The following NGLY1 variants were observed in gnomAD, a reference collection of about 807,000 sequenced individuals.
NGLY1 encodes peptide-N(4)-(N-acetyl-beta-glucosaminyl)asparagine amidase.
Under a neutral mutation model 84.6 loss-of-function variants are expected in NGLY1, and 68 were observed. The observed-to-expected ratio is 0.80, with a 90% CI of 0.66 to 0.98. The LOEUF is 0.98. NGLY1 is among the 50% of genes least tolerant of loss of function. The pLI, the probability that NGLY1 is intolerant of heterozygous loss-of-function variation, is 0.00. For synonymous variants in NGLY1, 280 were observed against 275.2 expected, an observed-to-expected ratio of 1.02 and a Z score of -0.17; for missense variants, 779 against 770.2, an observed-to-expected ratio of 1.01 and a Z score of -0.14.
At chr3:25,720,282 G>A in intron 10 of NGLY1, 91 bp from the exon 11 acceptor site, 1 of 1,014,312 alleles carries the variant, frequency 9.9e-7, no homozygotes, top group Non-Finnish European at 1.4e-6. Context: ...ACTGTCACAG[G>A]GTAGTATGTA....
intron 3 of NGLY1, among the ~76,000 whole-genome samples, chr3:25,758,570 C>A (rs560599897): frequency 3.3e-5 from 5 of 152,120 alleles, no homozygotes; most frequent in Admixed American, 3.3e-4. Flanking sequence ...AAAGTGAGAC[C>A]CTGTCTCAAA....
chr3:25,781,181 G>C (rs979064662), intron 1 of NGLY1, among the ~76,000 whole-genome samples: 15 of 152,062 alleles, frequency 9.9e-5, no homozygotes, highest in Admixed American at 9.8e-4. Context: ...AAACTCCTAA[G>C]CTCAAGCAAT....
At chr3:25,751,676 T>C (rs191945091) in intron 3 of NGLY1, among the ~76,000 whole-genome samples, 3 of 152,128 alleles carry the variant, frequency 2.0e-5, no homozygotes, top group Non-Finnish European at 4.4e-5. Flanking sequence ...AAGGCAAATA[T>C]GAAAGGACTA....
chr3:25,774,709 A>G (rs1575662335), intron 2 of NGLY1, among the ~76,000 whole-genome samples: 1 of 152,018 alleles, frequency 6.6e-6, no homozygotes, highest in East Asian at 1.9e-4. Context: ...CCAGGCTACA[A>G]GTCTCCCCAC....
In NGLY1 at chr3:25,777,395, C is replaced by CAAAA. The variant is rs11332980; in HGVS notation, c.246+1175_246+1178dup. Among the ~76,000 whole-genome samples the CAAAA allele has an allele frequency of 2.3e-3, 202 of 87,170 alleles. 5 individuals are homozygous for CAAAA. The highest frequency in any genetic ancestry group is 6.5e-3 in the Middle Eastern group (1 of 154). The allele number at this position is 87,170 out of a possible 152,430, so 57.2% of individuals were successfully genotyped here. On this transcript the variant is annotated intron_variant, in intron 2 of 11. Coordinates refer to ENST00000280700, the MANE Select transcript of NGLY1 (RefSeq NM_018297.4). ...GGGCAACAAGAGCGAAACTCCATCTCAAAAAAAAAAAAAAAAAAAAAAATT... is the reference window on the plus strand; with the variant it reads ...GGGCAACAAGAGCGAAACTCCATCTCAAAAAAAAAAAAAAAAAAAAAAAAAAATT...
chr3:25,755,353 A>G, intron 3 of NGLY1: 1 of 1,315,656 alleles, frequency 7.6e-7, no homozygotes, highest in South Asian at 1.2e-5. Flanking sequence ...GGCTAGTTCT[A>G]CGATTGACTG....
chr3:25,736,493 T>G, intron 6 of NGLY1: 1 of 930,576 alleles, frequency 1.1e-6, no homozygotes, highest in Non-Finnish European at 1.6e-6. Flanking sequence ...GAAACTACAG[T>G]CTCTCTCTCT....
chr3:25,789,697 T>C, intron 1 of NGLY1: 2 of 834,244 alleles, frequency 2.4e-6, no homozygotes, highest in Non-Finnish European at 1.9e-6. Context: ...CAATTACTAA[T>C]AACGTTGCGA....
chr3:25,763,915 G>A lies in NGLY1; in HGVS notation c.492+151C>T. On this transcript the variant is annotated intron_variant, in intron 3 of 11. Coordinates refer to ENST00000280700, the MANE Select transcript of NGLY1 (RefSeq NM_018297.4). ...AGAGGAAATCTGACAATTTTTTAAA[G>A]AGCTGAAGAAATTTGGATGTTTTAG... 3 of 998,734 alleles carry A rather than the reference G, an allele frequency of 3.0e-6. No homozygotes were observed. The African/African-American group carries it at 4.9e-5, about 16-fold the overall frequency. 61.9% of individuals were successfully genotyped at this position (998,734 alleles called of 1,614,324 possible).
intron 2 of NGLY1, among the ~76,000 whole-genome samples, chr3:25,767,595 T>A (rs1174766178): frequency 6.6e-6 from 1 of 152,180 alleles, no homozygotes; most frequent in African/African-American, 2.4e-5. Context: ...ATCTTTTTCA[T>A]TTCAACATCA....
chr3:25,724,776 A>G (rs1705169391), intron 10 of NGLY1, among the ~76,000 whole-genome samples: 1 of 152,052 alleles, frequency 6.6e-6, no homozygotes, highest in South Asian at 2.1e-4. Flanking sequence ...CTGTCCTCAT[A>G]CTAAGAAACT....
At chr3:25,740,329 C>T (rs1372599604) in intron 4 of NGLY1, among the ~76,000 whole-genome samples, 1 of 152,122 alleles carries the variant, frequency 6.6e-6, no homozygotes, top group African/African-American at 2.4e-5. Flanking sequence ...TCCCCAAACA[C>T]ATAAAAACAC....
intron 4 of NGLY1, chr3:25,749,664 G>T: frequency 2.0e-6 from 3 of 1,514,028 alleles, no homozygotes; most frequent in Non-Finnish European, 2.7e-6. Context: ...CCCAACATTA[G>T]TTATGGGAGC....
upstream of NGLY1, among the ~76,000 whole-genome samples, chr3:25,785,817 G>C (rs1708591173): frequency 6.6e-6 from 1 of 152,204 alleles, no homozygotes; most frequent in Admixed American, 6.5e-5. Flanking sequence ...AATGGTCATA[G>C]GGTACTTTTG....
upstream of NGLY1, among the ~76,000 whole-genome samples, chr3:25,787,759 G>A (rs79572302): frequency 0.046 from 7,054 of 152,220 alleles, 212 homozygotes; most frequent in Non-Finnish European, 0.073. Context: ...GATACCCCAG[G>A]CTTTTGTGAT....
chr3:25,783,230 T>G lies in NGLY1; in HGVS notation c.131+30A>C, dbSNP rs1708502875. 4.3e-5 allele frequency: 61 copies of G among 1,422,020 alleles called. No individual in the cohort carries two copies. Among genetic ancestry groups the G allele is most frequent in the African/African-American group, 8.6e-5 (6 of 69,676 alleles). The allele number at this position is 1,422,020 out of a possible 1,614,324, so 88.1% of individuals were successfully genotyped here. The stretch of plus-strand genomic sequence containing the variant: ...AGGTGCCGCGGCCCACCCACCCCGG[T>G]ACCCGCCGTCCGACCCCGTTGCCCT... On this transcript the variant is annotated intron_variant, in intron 1 of 11. Transcript: ENST00000280700. This position sits in a 1 kb window ranked among gnomAD's most constrained non-coding sequence, Gnocchi z 4.5.
chr3:25,721,044 A>G (rs1704963814), intron 10 of NGLY1, among the ~76,000 whole-genome samples: 1 of 152,200 alleles, frequency 6.6e-6, no homozygotes, highest in Non-Finnish European at 1.5e-5. Flanking sequence ...TCTTAATGCA[A>G]TTGACTACTG....
At chr3:25,787,678 A>C (rs1309040916), upstream of NGLY1, among the ~76,000 whole-genome samples, 1 of 152,094 alleles carries the variant, frequency 6.6e-6, no homozygotes, top group Non-Finnish European at 1.5e-5. Flanking sequence ...AGAATGTTGC[A>C]CTCCAAATTA....
In NGLY1 at chr3:25,764,188, A is replaced by G. The variant is rs1486033521; in HGVS notation, c.370T>C (p.Ser124Pro). The G allele has an allele frequency of 3.1e-6, 5 of 1,613,984 alleles. No homozygotes were observed. The highest frequency in any genetic ancestry group is 1.7e-5 in the Admixed American group (1 of 59,984). ...DGSNKSHKVK[S>P]SQQPAASTQL... Reference sequence around the variant, plus strand: ...GTACTGGCTGCAGGTTGCTGAGATGACTTTACTTTGTGGCTCTTATTTGAG... The same window carrying G: ...GTACTGGCTGCAGGTTGCTGAGATGGCTTTACTTTGTGGCTCTTATTTGAG... The change falls in exon 3 of 12, where the codon TCA becomes CCA. Residue 124 changes from serine to proline, a missense_variant. Physicochemically the swap from Ser to Pro is moderately conservative, Grantham distance 74 (BLOSUM62 -1). Transcript: ENST00000280700.
Sources: allele counts gnomAD v4.1 joint callset (sites outside exome capture counted in the v4.1 genomes callset), GRCh38; gene constraint gnomAD v4.1.1; non-coding constraint Gnocchi (gnomAD v3.1); transcripts MANE v1.5; gene names NCBI Gene and HGNC (gene_info 2026-07-23, HGNC 2026-07-21).